Variants in SIAH3 observed in about 807,000 individuals in gnomAD.
The protein encoded by SIAH3 is seven in absentia homolog 3.
In SIAH3, 9 loss-of-function variants were observed where a neutral mutation model predicts 12.6. The observed-to-expected ratio is 0.72, with a 90% CI of 0.43 to 1.25. The LOEUF is 1.25. Ranked by LOEUF, SIAH3 falls within the 50% of genes most tolerant of loss-of-function variation. SIAH3 has a pLI of 0.00. For missense variants in SIAH3, 390 were observed against 365.4 expected (o/e 1.07, Z -0.55); for synonymous variants, 154 against 151.1 (o/e 1.02, Z -0.14).
chr13:45,796,013 A>G (rs189708893), intron 1 of SIAH3, among the ~76,000 whole-genome samples: 1 of 152,258 alleles, frequency 6.6e-6, no homozygotes, highest in African/African-American at 2.4e-5. Flanking sequence ...GTTCAAAAAC[A>G]TATAAAATTG....
At chr13:45,831,236 T>C (rs1285391169) in intron 1 of SIAH3, among the ~76,000 whole-genome samples, 4 of 151,168 alleles carry the variant, frequency 2.6e-5, no homozygotes, top group African/African-American at 9.7e-5. Flanking sequence ...AATAAAAAAA[T>C]GAATCGTCTA....
At chr13:45,822,694 T>C (rs995495737) in intron 1 of SIAH3, among the ~76,000 whole-genome samples, 3 of 151,944 alleles carry the variant, frequency 2.0e-5, no homozygotes, top group Admixed American at 6.6e-5. Flanking sequence ...AGAAAAATGT[T>C]ACTTGTAAAG....
intron 1 of SIAH3, among the ~76,000 whole-genome samples, chr13:45,843,836 A>C (rs1205946055): frequency 6.6e-6 from 1 of 152,208 alleles, no homozygotes; most frequent in Non-Finnish European, 1.5e-5. Flanking sequence ...TGTTGTCGTC[A>C]TAATGACCAT....
At chr13:45,813,227 GGTGAGCCTATA>G (rs1474526394) in intron 1 of SIAH3, among the ~76,000 whole-genome samples, 1 of 150,652 alleles carries the variant, frequency 6.6e-6, no homozygotes, top group African/African-American at 2.5e-5. Flanking sequence ...GTGGGAACAT[GGTGAGCCTATA>G]TCAGTACTGA....
chr13:45,851,451 C>T, intron 1 of SIAH3, 44 bp downstream of exon 1: 1 of 1,611,150 alleles, frequency 6.2e-7, no homozygotes, highest in Non-Finnish European at 8.5e-7. Flanking sequence ...CGAGAAAGGA[C>T]TTGAACCTGA....
chr13:45,828,653 A>C (rs1166641067), intron 1 of SIAH3, among the ~76,000 whole-genome samples: 2 of 152,212 alleles, frequency 1.3e-5, no homozygotes, highest in South Asian at 2.1e-4. Context: ...ACATTTCCAT[A>C]AGGAATCAAA....
intron 1 of SIAH3, among the ~76,000 whole-genome samples, chr13:45,785,406 C>G (rs1950524658): frequency 6.6e-6 from 1 of 152,196 alleles, no homozygotes; most frequent in South Asian, 2.1e-4. Context: ...TCCCAAAGTA[C>G]AGAGGGCAGG....
chr13:45,810,113 C>T (rs961442271), intron 1 of SIAH3, among the ~76,000 whole-genome samples: 4 of 152,188 alleles, frequency 2.6e-5, no homozygotes, highest in Non-Finnish European at 5.9e-5. Context: ...ACTTAGACAA[C>T]AGGGCCCACA....
intron 1 of SIAH3, among the ~76,000 whole-genome samples, chr13:45,812,999 T>A (rs1950621288): frequency 6.6e-6 from 1 of 152,218 alleles, no homozygotes; most frequent in Admixed American, 6.5e-5. Flanking sequence ...CCTTCTGGGC[T>A]CCCATCTGGA....
intron 1 of SIAH3, among the ~76,000 whole-genome samples, chr13:45,824,882 A>C (rs202052734): frequency 8.0e-6 from 1 of 125,206 alleles, no homozygotes; most frequent in Non-Finnish European, 1.7e-5. Context: ...TGTCTCAAAA[A>C]AAAAAACAAA....
Position 45,851,652 on chromosome 13 carries a change from G to T in SIAH3, c.-23C>A, listed in dbSNP as rs1357603632. ...CATCACAACTTTTGGGGGGTTGTTGGTCCGGGAAGGCAGCGGAGGAAGCTG... is the reference window on the plus strand; with the variant it reads ...CATCACAACTTTTGGGGGGTTGTTGTTCCGGGAAGGCAGCGGAGGAAGCTG... On this transcript the variant is annotated 5_prime_UTR_variant, in exon 1 of 2. Coordinates refer to ENST00000400405, the MANE Select transcript of SIAH3 (RefSeq NM_198849.3). 1.9e-6 allele frequency: 3 copies of T among 1,613,840 alleles called. No homozygotes were observed. The highest frequency in any genetic ancestry group is 2.5e-6 in the Non-Finnish European group (3 of 1,179,886).
intron 1 of SIAH3, among the ~76,000 whole-genome samples, chr13:45,827,134 G>A (rs1235567642): frequency 6.6e-6 from 1 of 152,148 alleles, no homozygotes; most frequent in African/African-American, 2.4e-5. Flanking sequence ...TGATGCCTGT[G>A]TGACTGACCC....
chr13:45,806,984 G>A (rs187620134), intron 1 of SIAH3, among the ~76,000 whole-genome samples: 22 of 152,146 alleles, frequency 1.4e-4, no homozygotes, highest in African/African-American at 5.1e-4. Flanking sequence ...GAACCAACTG[G>A]AAAAAATCAT....
intron 1 of SIAH3, among the ~76,000 whole-genome samples, chr13:45,784,530 A>C (rs139117744): frequency 1.5e-3 from 221 of 150,286 alleles, no homozygotes; most frequent in African/African-American, 5.2e-3. Flanking sequence ...CATAATGCCC[A>C]TTTGTCCTTC....
At chr13:45,833,292 G>A (rs1050812520) in intron 1 of SIAH3, among the ~76,000 whole-genome samples, 4 of 152,146 alleles carry the variant, frequency 2.6e-5, no homozygotes, top group Admixed American at 2.6e-4. Context: ...ATCCAGGTCT[G>A]ACAAGGGCAT....
At position 45,845,435 on chromosome 13, in the gene SIAH3, C is replaced by T. The variant is rs74380813; in HGVS notation, c.135+6060G>A. ...ATCAAAAGATTTAAGTTGTCCATCA[C>T]GGTGTTTCAGATGGCCACAGTTATA... is the stretch of plus-strand genomic sequence containing the variant. On this transcript the variant is annotated intron_variant, in intron 1 of 1. Transcript: ENST00000400405. Among the ~76,000 whole-genome samples the T allele has an allele frequency of 6.6e-4, 101 of 152,202 alleles. No individual in the cohort carries two copies. In the East Asian group the frequency reaches 0.015, roughly 23 times the overall value.
At chr13:45,785,704 C>G (rs1274568647) in intron 1 of SIAH3, among the ~76,000 whole-genome samples, 1 of 152,194 alleles carries the variant, frequency 6.6e-6, no homozygotes, top group South Asian at 2.1e-4. Flanking sequence ...GTTCCATCTG[C>G]TGGTTTCCTC....
chr13:45,783,713 G>A lies in SIAH3; in HGVS notation c.480C>T (p.His160=), dbSNP rs1950514389. ...ACAGAAAGTGGTGGCCAAGGCAGGA[G>A]TGCATGATGATCCAATCAGCCGGCG... ...LPAPADWIIM[H]SCLGHHFLLV... The change falls in exon 2 of 2, where the codon CAC becomes CAT. Residue 160 remains histidine (H), a synonymous_variant. Transcript: ENST00000400405. 2 of 1,614,064 alleles carry A rather than the reference G, an allele frequency of 1.2e-6. No individual in the cohort carries two copies. Among genetic ancestry groups the A allele is most frequent in the Middle Eastern group, 1.6e-4 (1 of 6,084 alleles).
At chr13:45,784,398 G>GTTTTTTTTTTTTTTTTTTTT (rs35686357) in intron 1 of SIAH3, among the ~76,000 whole-genome samples, 25 of 65,822 alleles carry the variant, frequency 3.8e-4, no homozygotes, top group African/African-American at 4.6e-4. Flanking sequence ...AAAGACAGCT[G>GTTTTTTTTTTTTTTTTTTTT]TTTTTTTTTT....
Sources: gnomAD v4.1 joint callset for allele counts (sites outside exome capture counted in the v4.1 genomes callset) on GRCh38, gnomAD v4.1.1 for gene constraint, MANE v1.5 for transcripts, NCBI Gene and HGNC (gene_info 2026-07-23, HGNC 2026-07-21) for gene names.